Variants in LRRC37B observed in about 807,000 individuals in gnomAD.
The protein encoded by LRRC37B is leucine rich repeat containing 37B, also known as leucine-rich repeat-containing protein 37B.
A neutral mutation model predicts 98.3 loss-of-function variants in LRRC37B; 28 were observed. The ratio of observed to expected loss-of-function variants is 0.28; its 90% CI spans 0.21 to 0.39. LRRC37B has a LOEUF of 0.39. Among genes scored for constraint, LRRC37B ranks in the 10% least tolerant of loss-of-function variants. The pLI is 1.00. For synonymous variants in LRRC37B, 364 were observed against 442.7 expected (o/e 0.82, Z 2.23); for missense variants, 938 against 1,182.7 (o/e 0.79, Z 3.03).
rs759942829 is a variant in LRRC37B at position 32,027,835 on chromosome 17, G to A, written c.1899G>A (p.Gln633=). 13 of 1,604,384 alleles carry A rather than the reference G, an allele frequency of 8.1e-6. 1 individual carries two copies. In the East Asian group the frequency reaches 2.7e-4, roughly 33 times the overall value. Residue 633 remains glutamine, a synonymous_variant, in exon 3 of 12, where the codon CAG becomes CAA. Coordinates refer to ENST00000327564, the Ensembl canonical transcript of LRRC37B. ...CATTTGAAGGCCTGCTATACCTCCA[G>A]TATTTGTAAGTTAGTTAATCATATT...
intron 2 of LRRC37B, among the ~76,000 whole-genome samples, chr17:32,027,086 C>T (rs1910975515): frequency 6.6e-6 from 1 of 152,120 alleles, no homozygotes; most frequent in South Asian, 2.1e-4. Flanking sequence ...GCACTTTACG[C>T]ACATTGTAGT....
intron 5 of LRRC37B, among the ~76,000 whole-genome samples, chr17:32,033,703 G>A (rs1371869432): frequency 1.3e-5 from 2 of 152,154 alleles, no homozygotes; most frequent in Admixed American, 6.5e-5. Context: ...CAAAAGTACA[G>A]TGATGATTCT....
At chr17:32,011,936 T>C (rs906643587) in intron 1 of LRRC37B, among the ~76,000 whole-genome samples, 11 of 152,260 alleles carry the variant, frequency 7.2e-5, no homozygotes, top group African/African-American at 2.7e-4. Flanking sequence ...TATTGTTTAA[T>C]TTTCAAACAT....
chr17:32,049,943 TTC>T (rs1000783298), intron 10 of LRRC37B, 58 bp from the exon 14 acceptor site: 42 of 1,043,462 alleles, frequency 4.0e-5, no homozygotes, highest in Admixed American at 2.4e-4. Flanking sequence ...TTAGCTTCCA[TTC>T]TCTCTCTCTT....
At chr17:32,008,582 C>G (rs899266135) in intron 1 of LRRC37B, among the ~76,000 whole-genome samples, 1 of 152,120 alleles carries the variant, frequency 6.6e-6, no homozygotes, top group African/African-American at 2.4e-5. Context: ...ATATCTGTTC[C>G]TTAAAAGGGA....
intron 9 of LRRC37B, among the ~76,000 whole-genome samples, chr17:32,048,405 A>G (rs1567620350): frequency 6.8e-6 from 1 of 147,450 alleles, no homozygotes; most frequent in Non-Finnish European, 1.5e-5. Context: ...GTAGTGGGAA[A>G]CACCATCTAC....
intron 7 of LRRC37B, among the ~76,000 whole-genome samples, chr17:32,036,821 A>T (rs1018241543): frequency 3.3e-5 from 5 of 152,040 alleles, no homozygotes; most frequent in African/African-American, 1.2e-4. Context: ...CAATGTTTTC[A>T]TTTCTTTGGG....
rs1567611757 is a variant in LRRC37B, at chr17:32,013,478, G to A, written c.-190-4494G>A. 3.3e-5 allele frequency among the ~76,000 whole-genome samples: 5 copies of A among 151,832 alleles called. No individual in the cohort carries two copies. The South Asian group carries it at 6.2e-4, about 19-fold the overall frequency. On this transcript the variant is annotated intron_variant, in intron 1 of 14. Transcript: ENST00000543378. ...TTTTCTGATTATCTCTTTTTTGGGG[G>A]GTTTCTTCTGTTTCTTTTTTCTGCC... is the stretch of plus-strand genomic sequence containing the variant.
intron 5 of LRRC37B, among the ~76,000 whole-genome samples, chr17:32,032,654 A>T (rs1911141712): frequency 6.6e-6 from 1 of 152,158 alleles, no homozygotes; most frequent in Non-Finnish European, 1.5e-5. Flanking sequence ...ATGTGTCTGG[A>T]TTAGAGCAGC....
exon 1 of LRRC37B, chr17:32,021,276 C>T (rs1171776611): frequency 6.2e-7 from 1 of 1,613,156 alleles, no homozygotes; most frequent in Non-Finnish European, 8.5e-7. Flanking sequence ...CCCCCTGGGG[C>T]CACCTGAGCC....
upstream of LRRC37B, chr17:32,020,946 G>A: frequency 7.5e-6 from 11 of 1,457,142 alleles, no homozygotes; most frequent in Non-Finnish European, 1.0e-5. Context: ...TTCCGGCCTG[G>A]CGGGGTGGGA....
At chr17:32,034,547 A>G (rs1258652442) in intron 5 of LRRC37B, among the ~76,000 whole-genome samples, 1 of 151,776 alleles carries the variant, frequency 6.6e-6, no homozygotes, top group Non-Finnish European at 1.5e-5. Context: ...TAGATGAACA[A>G]CTTGTATTAT....
intron 2 of LRRC37B, among the ~76,000 whole-genome samples, chr17:32,026,699 G>T (rs1910964626): frequency 6.6e-6 from 1 of 152,206 alleles, no homozygotes; most frequent in Non-Finnish European, 1.5e-5. Context: ...AGAATGCTGG[G>T]ATTACAGGCA....
chr17:32,032,526 T>A (rs1598207897), intron 5 of LRRC37B, among the ~76,000 whole-genome samples: 1 of 152,098 alleles, frequency 6.6e-6, no homozygotes, highest in South Asian at 2.1e-4. Context: ...AAGGGGACTT[T>A]AGACTCAAGG....
chr17:32,036,356 C>G (rs1387877616), intron 7 of LRRC37B: 1 of 152,156 alleles, frequency 6.6e-6, no homozygotes, highest in African/African-American at 2.4e-5. Context: ...ATCAGTACAG[C>G]TGGCCCTCCA....
chr17:32,021,731 T>C (rs1226083395), exon 1 of LRRC37B: 1 of 1,614,240 alleles, frequency 6.2e-7, no homozygotes, highest in East Asian at 2.2e-5. Context: ...TGAAGAAAGA[T>C]CTAGCTGAAC....
upstream of LRRC37B, among the ~76,000 whole-genome samples, chr17:32,019,094 T>G (rs890128810): frequency 6.6e-6 from 1 of 152,120 alleles, no homozygotes; most frequent in African/African-American, 2.4e-5. Flanking sequence ...ACTCAGCTGA[T>G]TTTTGTATTT....
In LRRC37B at chr17:32,039,383, G is replaced by A. The variant is rs1231265914; in HGVS notation, c.2204+3744G>A. On this transcript the variant is annotated intron_variant, in intron 7 of 11. Coordinates refer to ENST00000327564, the Ensembl canonical transcript of LRRC37B. ...TCCCCGCTACTGGGGAGGCTGAGGC[G>A]GGGGTATCGCTTGAACCCAGGAGGT... Among the ~76,000 whole-genome samples, 6 of 146,760 alleles carry A rather than the reference G, an allele frequency of 4.1e-5. 1 individual carries two copies. The South Asian group carries it at 6.4e-4, about 16-fold the overall frequency.
chr17:32,036,107 TCTC>T (rs1218687229), intron 7 of LRRC37B: 1 of 157,162 alleles, frequency 6.4e-6, no homozygotes, highest in East Asian at 1.9e-4. Context: ...TTCAAGTGGT[TCTC>T]CTGCCTCAGC....
Sources: allele counts gnomAD v4.1 joint callset (sites outside exome capture counted in the v4.1 genomes callset), GRCh38; gene constraint gnomAD v4.1.1; transcripts MANE v1.5; gene names NCBI Gene and HGNC (gene_info 2026-07-23, HGNC 2026-07-21).